The following COG5 variants were observed in gnomAD, a reference collection of about 807,000 sequenced individuals.
COG5 encodes conserved oligomeric Golgi complex subunit 5.
COG5 carries 86 observed loss-of-function variants against 110.4 expected under a neutral mutation model. That is an observed-to-expected ratio of 0.78 (90% CI 0.65 to 0.93). The LOEUF is 0.93. Ranked by LOEUF, COG5 falls within the 40% of genes least tolerant of loss-of-function variation. The pLI, the probability that COG5 is intolerant of heterozygous loss-of-function variation, is 0.00. For missense variants in COG5, 1,077 were observed against 987.0 expected, an observed-to-expected ratio of 1.09 and a Z score of -1.22; for synonymous variants, 360 against 334.6, an observed-to-expected ratio of 1.08 and a Z score of -0.83.
intron 8 of COG5, among the ~76,000 whole-genome samples, chr7:107,364,209 C>A (rs926656137): frequency 6.6e-6 from 1 of 152,140 alleles, no homozygotes; most frequent in East Asian, 1.9e-4. Flanking sequence ...TGAAGCTAAT[C>A]ATGAAGAAAA....
chr7:107,551,064 A>T (rs1802852650), intron 3 of COG5, among the ~76,000 whole-genome samples: 1 of 151,980 alleles, frequency 6.6e-6, no homozygotes, highest in Non-Finnish European at 1.5e-5. Flanking sequence ...TTGTTTTGAG[A>T]TGGAGTCTCG....
intron 6 of COG5, among the ~76,000 whole-genome samples, chr7:107,504,272 A>G (rs1198556422): frequency 6.6e-6 from 1 of 152,060 alleles, no homozygotes; most frequent in African/African-American, 2.4e-5. Flanking sequence ...GTTTTTATTT[A>G]TAATTCTGTT....
At chr7:107,258,812 G>T (rs187944957) in intron 14 of COG5, among the ~76,000 whole-genome samples, 1 of 152,170 alleles carries the variant, frequency 6.6e-6, no homozygotes, top group East Asian at 1.9e-4. Context: ...CAAAAAAAGG[G>T]AGGAGGAAAG....
At chr7:107,545,049 G>C (rs1802312039) in intron 5 of COG5, among the ~76,000 whole-genome samples, 1 of 152,060 alleles carries the variant, frequency 6.6e-6, no homozygotes, top group South Asian at 2.1e-4. Flanking sequence ...AAAAGAATCA[G>C]TGTGCTTGAA....
intron 6 of COG5, among the ~76,000 whole-genome samples, chr7:107,505,147 A>T (rs758793049): frequency 2.0e-5 from 3 of 151,854 alleles, no homozygotes; most frequent in South Asian, 4.2e-4. Context: ...TTTTTTATTT[A>T]TTTTTTCCCC....
chr7:107,328,301 G>A (rs1809942561), intron 10 of COG5, among the ~76,000 whole-genome samples: 1 of 152,166 alleles, frequency 6.6e-6, no homozygotes, highest in Admixed American at 6.5e-5. Flanking sequence ...GTACATTTGT[G>A]TATCTAAACA....
chr7:107,302,686 C>T (rs1384613862), intron 11 of COG5, among the ~76,000 whole-genome samples: 3 of 152,110 alleles, frequency 2.0e-5, no homozygotes, highest in South Asian at 2.1e-4. Context: ...CCTGGGTTTG[C>T]TCTTGTATTT....
rs1300015028 is a variant in COG5 at position 107,248,515 on chromosome 7, A to G, written c.1750-16T>C. Reference sequence around the variant, plus strand: ...CATGAATAGCCTAAAAAAAAAAAAGAAAGAAAAAAAAGAAGAGGCAAGATT... The same window carrying G: ...CATGAATAGCCTAAAAAAAAAAAAGGAAGAAAAAAAAGAAGAGGCAAGATT... On this transcript the variant is annotated splice_polypyrimidine_tract_variant and intron_variant, in intron 16 of 21. Transcript: ENST00000297135. 1.4e-5 allele frequency: 21 copies of G among 1,513,734 alleles called. No individual in the cohort carries two copies. Among genetic ancestry groups the G allele is most frequent in the Non-Finnish European group, 1.7e-5 (19 of 1,098,094 alleles). 93.8% of individuals were successfully genotyped at this position (1,513,734 alleles called of 1,614,324 possible).
At chr7:107,421,712 G>A (rs1793305413) in intron 6 of COG5, among the ~76,000 whole-genome samples, 1 of 151,342 alleles carries the variant, frequency 6.6e-6, no homozygotes, top group South Asian at 2.1e-4. Context: ...GTTGCAGTGA[G>A]CTGAGATTGC....
chr7:107,251,763 CAAT>C (rs1802522791), intron 16 of COG5, among the ~76,000 whole-genome samples: 1 of 151,868 alleles, frequency 6.6e-6, no homozygotes, highest in African/African-American at 2.4e-5. Flanking sequence ...GGTCTAAAAT[CAAT>C]GATGTAAAGT....
chr7:107,491,083 A>T (rs2237671), intron 6 of COG5, among the ~76,000 whole-genome samples: 31,056 of 151,988 alleles, frequency 0.2, 3,452 homozygotes, highest in East Asian at 0.33. Context: ...TATCAATTTC[A>T]TACTTAGTTT....
chr7:107,402,225 G>A (rs1266517757), intron 7 of COG5, among the ~76,000 whole-genome samples: 3 of 152,162 alleles, frequency 2.0e-5, no homozygotes, highest in Admixed American at 2.0e-4. Context: ...GCTTGACCAA[G>A]AAGGTCTTCT....
At chr7:107,229,596 A>G (rs1800617896) in intron 19 of COG5, among the ~76,000 whole-genome samples, 1 of 152,230 alleles carries the variant, frequency 6.6e-6, no homozygotes, top group South Asian at 2.1e-4. Context: ...ATGTTATTCA[A>G]CGTTCCTTAA....
At chr7:107,446,110 C>A (rs1449601053) in intron 6 of COG5, among the ~76,000 whole-genome samples, 1 of 152,182 alleles carries the variant, frequency 6.6e-6, no homozygotes, top group African/African-American at 2.4e-5. Context: ...CAAGAATAAT[C>A]TGAGACAAGG....
intron 12 of COG5, among the ~76,000 whole-genome samples, chr7:107,289,915 T>C (rs1267645407): frequency 2.0e-5 from 3 of 152,184 alleles, no homozygotes; most frequent in East Asian, 3.8e-4. Context: ...AGCTTGGAAA[T>C]TGAGTTATGC....
chr7:107,470,459 CTATTATAGTA>C (rs1415063307), intron 6 of COG5: 1 of 152,046 alleles, frequency 6.6e-6, no homozygotes, highest in African/African-American at 2.4e-5. Flanking sequence ...AGATTTGTTC[CTATTATAGTA>C]TACAGCTGCT....
At chr7:107,511,658 C>T (rs1228295845) in intron 6 of COG5, among the ~76,000 whole-genome samples, 1 of 152,192 alleles carries the variant, frequency 6.6e-6, no homozygotes, top group Non-Finnish European at 1.5e-5. Flanking sequence ...ACAATACTGG[C>T]AAACCGAATC....
At chr7:107,478,127 T>C (rs1365423912) in intron 6 of COG5, among the ~76,000 whole-genome samples, 1 of 151,904 alleles carries the variant, frequency 6.6e-6, no homozygotes, top group African/African-American at 2.4e-5. Context: ...TAGCCCTTAG[T>C]AGGGCTTATT....
At chr7:107,439,279 GAA>G (rs150462914) in intron 6 of COG5, among the ~76,000 whole-genome samples, 21 of 147,862 alleles carry the variant, frequency 1.4e-4, no homozygotes, top group East Asian at 7.9e-4. Flanking sequence ...GCTTATAAAA[GAA>G]AAAAAAAAAT....
Sources: allele counts gnomAD v4.1 joint callset (sites outside exome capture counted in the v4.1 genomes callset), GRCh38; gene constraint gnomAD v4.1.1; transcripts MANE v1.5; gene names NCBI Gene and HGNC (gene_info 2026-07-23, HGNC 2026-07-21).